The following FAM110B variants were observed in gnomAD, a reference collection of about 807,000 sequenced individuals.
FAM110B encodes the protein protein FAM110B.
Under a neutral mutation model 20.4 loss-of-function variants are expected in FAM110B, and 6 were observed. The observed-to-expected ratio is 0.29, with a 90% CI of 0.16 to 0.58. The LOEUF (loss-of-function observed/expected upper bound fraction) is 0.58, where lower values mean the gene tolerates loss of function less well. Ranked by LOEUF, FAM110B falls within the 20% of genes least tolerant of loss-of-function variation. FAM110B has a pLI of 0.90. For missense variants in FAM110B, 434 were observed against 498.2 expected (o/e 0.87, Z 1.23); for synonymous variants, 226 against 214.1 (o/e 1.06, Z -0.49).
intron 2 of FAM110B, among the ~76,000 whole-genome samples, chr8:58,040,512 C>T (rs966544863): frequency 6.6e-6 from 1 of 152,146 alleles, no homozygotes; most frequent in Non-Finnish European, 1.5e-5. Flanking sequence ...TAGATTAGAG[C>T]TGGAGGAAGA....
intron 3 of FAM110B, among the ~76,000 whole-genome samples, chr8:58,104,108 G>A (rs1806851896): frequency 6.6e-6 from 1 of 152,094 alleles, no homozygotes; most frequent in Admixed American, 6.5e-5. Flanking sequence ...TGATTTTTCT[G>A]CAACTCTAGT....
At chr8:58,102,610 A>T (rs1186711686) in intron 3 of FAM110B, among the ~76,000 whole-genome samples, 1 of 152,184 alleles carries the variant, frequency 6.6e-6, no homozygotes, top group Non-Finnish European at 1.5e-5. Flanking sequence ...ATTTCCACCT[A>T]CGCCATAACA....
chr8:58,131,334 T>G (rs1281341643), intron 3 of FAM110B, among the ~76,000 whole-genome samples: 7 of 152,084 alleles, frequency 4.6e-5, no homozygotes, highest in Admixed American at 1.3e-4. Flanking sequence ...TACTGCAGCC[T>G]CGAACCCCTG....
At chr8:58,072,831 A>G (rs1386973770) in intron 2 of FAM110B, among the ~76,000 whole-genome samples, 1 of 152,254 alleles carries the variant, frequency 6.6e-6, no homozygotes, top group Non-Finnish European at 1.5e-5. Context: ...AAGTCATTCC[A>G]TGAAAAATAT....
chr8:58,126,219 G>A (rs1488760653), intron 3 of FAM110B, among the ~76,000 whole-genome samples: 3 of 151,048 alleles, frequency 2.0e-5, no homozygotes, highest in Non-Finnish European at 3.0e-5. Flanking sequence ...GTCGTTGCAT[G>A]CCTCAATAGT....
intron 3 of FAM110B, among the ~76,000 whole-genome samples, chr8:58,094,561 G>A (rs190490979): frequency 1.6e-3 from 245 of 152,262 alleles, no homozygotes; most frequent in African/African-American, 5.5e-3. Flanking sequence ...TTGTTGATTT[G>A]CATATGTTGA....
intron 3 of FAM110B, among the ~76,000 whole-genome samples, chr8:58,099,364 A>G (rs1806720086): frequency 1.3e-5 from 2 of 152,180 alleles, no homozygotes; most frequent in Admixed American, 1.3e-4. Context: ...TAAAAAAAAA[A>G]ATCAAAATCC....
chr8:58,119,357 T>C (rs1037613978), intron 3 of FAM110B, among the ~76,000 whole-genome samples: 1 of 152,226 alleles, frequency 6.6e-6, no homozygotes, highest in African/African-American at 2.4e-5. Flanking sequence ...TGGTGACTTC[T>C]TGCTATGTCC....
rs1803867051 is a variant in FAM110B at position 58,146,484 on chromosome 8, T to C, written c.254T>C (p.Val85Ala). ...CCCGCCGTGCTGGCCAAGCCCCCGG[T>C]GTGCCCGGCTGCCAAGCGCGCACTG... ...VKPAVLAKPPVCPAAKRALGS... is the reference protein window; with the variant it reads ...VKPAVLAKPPACPAAKRALGS... Residue 85 changes from valine to alanine, a missense_variant, in exon 4 of 4, where the codon GTG (valine) becomes GCG (alanine). This residue lies in a region of FAM110B where 284 missense variants were observed against 278.3 expected (regional missense o/e 1.02). Transcript: ENST00000519262. 1 of 1,613,466 alleles carries C rather than the reference T, an allele frequency of 6.2e-7. No homozygotes were observed. The highest frequency in any genetic ancestry group is 8.5e-7 in the Non-Finnish European group (1 of 1,179,772).
chr8:58,091,699 T>C (rs528436106), intron 3 of FAM110B: 3 of 152,266 alleles, frequency 2.0e-5, no homozygotes, highest in African/African-American at 7.2e-5. Context: ...TCAGCATTCT[T>C]ATAAAAATAC....
chr8:58,091,924 G>T (rs1169677033), intron 3 of FAM110B, among the ~76,000 whole-genome samples: 3 of 152,130 alleles, frequency 2.0e-5, no homozygotes, highest in Non-Finnish European at 4.4e-5. Context: ...GAAATGAAAA[G>T]AAGTCTAAGG....
intron 1 of FAM110B, among the ~76,000 whole-genome samples, chr8:58,028,690 A>G (rs1173620720): frequency 2.6e-5 from 4 of 152,156 alleles, no homozygotes; most frequent in Non-Finnish European, 4.4e-5. Flanking sequence ...TCTAGAAAGG[A>G]GTATTTCTTA....
At chr8:57,998,111 T>A (rs1045599192) in intron 1 of FAM110B, among the ~76,000 whole-genome samples, 1 of 152,244 alleles carries the variant, frequency 6.6e-6, no homozygotes, top group Non-Finnish European at 1.5e-5. Context: ...ACTTTGAATT[T>A]TGTGGTTAAC....
intron 2 of FAM110B, among the ~76,000 whole-genome samples, chr8:58,039,976 T>A (rs1421344925): frequency 6.6e-6 from 1 of 151,458 alleles, no homozygotes; most frequent in Non-Finnish European, 1.5e-5. Context: ...ATTTTTTTAA[T>A]TAAATTTTTA....
At chr8:58,061,134 G>A (rs987880724) in intron 2 of FAM110B, among the ~76,000 whole-genome samples, 7 of 152,130 alleles carry the variant, frequency 4.6e-5, no homozygotes, top group African/African-American at 1.4e-4. Context: ...TCTATTCAAC[G>A]ACTATAGAAA....
chr8:58,112,038 C>CTT (rs1807070314), intron 3 of FAM110B, among the ~76,000 whole-genome samples: 1 of 152,136 alleles, frequency 6.6e-6, no homozygotes, highest in South Asian at 2.1e-4. Context: ...AAAATTAGTA[C>CTT]TTTTGGCTGG....
chr8:58,080,979 G>A (rs1806175516), intron 3 of FAM110B, among the ~76,000 whole-genome samples: 1 of 152,178 alleles, frequency 6.6e-6, no homozygotes, highest in African/African-American at 2.4e-5. Flanking sequence ...CACTCACCAT[G>A]ACAGTCAGTG....
At chr8:58,131,178 T>G (rs1803454179) in intron 3 of FAM110B, among the ~76,000 whole-genome samples, 1 of 152,228 alleles carries the variant, frequency 6.6e-6, no homozygotes, top group Admixed American at 6.5e-5. Flanking sequence ...TTCAAATTTT[T>G]GGTCACATTT....
rs1278530076 is a variant in FAM110B, at chr8:58,146,664, C to G, written c.434C>G (p.Pro145Arg). 6.2e-7 allele frequency: 1 copy of G among 1,612,728 alleles called. No homozygotes were observed. Among genetic ancestry groups the G allele is most frequent in the East Asian group, 2.2e-5 (1 of 44,836 alleles). Residue 145 changes from proline to arginine, a missense_variant, in exon 4 of 4, where the codon CCG becomes CGG. Coordinates refer to ENST00000519262, the MANE Select transcript of FAM110B (RefSeq NM_001377989.1). ...SGHKHSSRNWPPHRSEATDLH... is the reference protein window; with the variant it reads ...SGHKHSSRNWRPHRSEATDLH... ...CACAAGCACAGCTCCCGCAACTGGC[C>G]GCCCCACCGGTCGGAAGCCACTGAC... is the stretch of plus-strand genomic sequence containing the variant.
Sources: allele counts gnomAD v4.1 joint callset (sites outside exome capture counted in the v4.1 genomes callset), GRCh38; gene constraint gnomAD v4.1.1; regional missense constraint gnomAD v4.1.1; transcripts MANE v1.5; gene names NCBI Gene and HGNC (gene_info 2026-07-23, HGNC 2026-07-21).